The following CDH13 variants were observed in gnomAD, a reference collection of about 807,000 sequenced individuals.
CDH13 encodes cadherin-13.
Under a neutral mutation model 63.8 loss-of-function variants are expected in CDH13, and 24 were observed. The observed-to-expected ratio is 0.38, with a 90% CI of 0.27 to 0.53. The LOEUF (loss-of-function observed/expected upper bound fraction) is 0.53, where lower values mean the gene tolerates loss of function less well. Ranked by LOEUF, CDH13 falls within the 20% of genes least tolerant of loss-of-function variation. The pLI is 0.85. For synonymous variants in CDH13, 503 were observed against 355.3 expected, an observed-to-expected ratio of 1.42 and a Z score of -4.67; for missense variants, 1,049 against 903.1, an observed-to-expected ratio of 1.16 and a Z score of -2.07.
At chr16:82,865,941 C>G (rs1425378167) in intron 2 of CDH13, among the ~76,000 whole-genome samples, 1 of 152,140 alleles carries the variant, frequency 6.6e-6, no homozygotes, top group African/African-American at 2.4e-5. Context: ...TAAGAGCACC[C>G]ATGTCATGCT....
At chr16:83,238,003 G>T (rs1407651825) in intron 5 of CDH13, among the ~76,000 whole-genome samples, 4 of 152,156 alleles carry the variant, frequency 2.6e-5, no homozygotes, top group African/African-American at 9.7e-5. Context: ...CAGATGTTCT[G>T]ATGCCAAAGC....
intron 8 of CDH13, among the ~76,000 whole-genome samples, chr16:83,650,750 A>G (rs1337555919): frequency 3.9e-5 from 6 of 152,112 alleles, no homozygotes; most frequent in Admixed American, 3.9e-4. Context: ...TCTAAGTGAG[A>G]TTAGGATTAC....
intron 7 of CDH13, among the ~76,000 whole-genome samples, chr16:83,502,081 C>G (rs2074296272): frequency 6.6e-6 from 1 of 152,194 alleles, no homozygotes; most frequent in Admixed American, 6.5e-5. Context: ...CATAGCACGG[C>G]CTGTGTGGAA....
At chr16:83,203,892 A>T (rs890731862) in intron 4 of CDH13, among the ~76,000 whole-genome samples, 3 of 152,172 alleles carry the variant, frequency 2.0e-5, no homozygotes, top group African/African-American at 7.2e-5. Flanking sequence ...TAGATGGCAG[A>T]ATGCACACAA....
intron 2 of CDH13, among the ~76,000 whole-genome samples, chr16:82,994,469 A>T (rs1911990831): frequency 6.6e-6 from 1 of 152,182 alleles, no homozygotes; most frequent in Non-Finnish European, 1.5e-5. Flanking sequence ...GCTCCAGCAA[A>T]GAGACCATGG....
At chr16:83,345,112 G>A (rs768219284) in intron 6 of CDH13, 106 bp downstream of exon 6, 31 of 1,308,380 alleles carry the variant, frequency 2.4e-5, no homozygotes, top group African/African-American at 7.3e-5. Context: ...TTGTCAGCTC[G>A]TATCAGCGTC....
At chr16:82,676,259 C>A (rs1019425978) in intron 1 of CDH13, among the ~76,000 whole-genome samples, 14 of 152,142 alleles carry the variant, frequency 9.2e-5, no homozygotes, top group African/African-American at 3.4e-4. Flanking sequence ...GTCTCAAAGG[C>A]ACCTTGGATT....
intron 2 of CDH13, among the ~76,000 whole-genome samples, chr16:82,930,483 C>G (rs1368244615): frequency 6.6e-6 from 1 of 151,922 alleles, no homozygotes; most frequent in Non-Finnish European, 1.5e-5. Context: ...CTTGAAGTAA[C>G]TTTATGGTTT....
At chr16:83,512,061 C>G (rs12925322) in intron 7 of CDH13, among the ~76,000 whole-genome samples, 9,700 of 152,154 alleles carry the variant, frequency 0.064, 364 homozygotes, top group Middle Eastern at 0.15. Context: ...GTGGCTCACG[C>G]CTGTAATTCC....
At chr16:83,035,397 C>T (rs879675767) in intron 3 of CDH13, among the ~76,000 whole-genome samples, 3 of 152,132 alleles carry the variant, frequency 2.0e-5, no homozygotes, top group African/African-American at 4.8e-5. Context: ...CCTCAAAGCA[C>T]CAACCATGTG....
chr16:82,771,903 T>C (rs1311756028), intron 1 of CDH13, among the ~76,000 whole-genome samples: 1 of 152,224 alleles, frequency 6.6e-6, no homozygotes, highest in South Asian at 2.1e-4. Context: ...GCTGGCCCCT[T>C]TGGGGCAAGG....
At chr16:83,751,936 A>C (rs1913119388) in intron 11 of CDH13, among the ~76,000 whole-genome samples, 1 of 152,198 alleles carries the variant, frequency 6.6e-6, no homozygotes, top group Non-Finnish European at 1.5e-5. Flanking sequence ...GAATAAGGAG[A>C]GATTTTGATT....
At chr16:82,725,135 TG>T (rs1180468321) in intron 1 of CDH13, among the ~76,000 whole-genome samples, 1 of 152,118 alleles carries the variant, frequency 6.6e-6, no homozygotes, top group East Asian at 1.9e-4. Context: ...TTGATGGTCA[TG>T]GTGATGGTGA....
At chr16:83,291,944 C>T (rs530648399) in intron 5 of CDH13, among the ~76,000 whole-genome samples, 1 of 152,282 alleles carries the variant, frequency 6.6e-6, no homozygotes, top group African/African-American at 2.4e-5. Flanking sequence ...AAATTTATCA[C>T]ATCACGTTTC....
intron 10 of CDH13, among the ~76,000 whole-genome samples, chr16:83,743,538 G>A (rs1308226329): frequency 6.6e-6 from 1 of 152,166 alleles, no homozygotes; most frequent in Admixed American, 6.5e-5. Context: ...ATGACAGAGG[G>A]AGCATCAAAG....
intron 1 of CDH13, among the ~76,000 whole-genome samples, chr16:82,662,631 TG>T (rs1418924157): frequency 2.0e-5 from 3 of 152,236 alleles, no homozygotes; most frequent in African/African-American, 7.2e-5. Context: ...TCCTGAATGT[TG>T]TTGTAGGACA....
At chr16:83,204,209 A>G (rs1348227164) in intron 4 of CDH13, among the ~76,000 whole-genome samples, 1 of 152,190 alleles carries the variant, frequency 6.6e-6, no homozygotes, top group Non-Finnish European at 1.5e-5. Flanking sequence ...GGACACGCTT[A>G]TCTGTTGCCC....
rs575211136 is a variant in CDH13, at chr16:83,251,757, T to C, written c.636+34260T>C. 2.8e-3 allele frequency among the ~76,000 whole-genome samples: 421 copies of C among 152,312 alleles called. 2 individuals carry two copies. The highest frequency in any genetic ancestry group is 9.4e-3 in the African/African-American group (392 of 41,574). ...TCTTTCCACCTTGGGAATCACAGTC[T>C]GATGGCAGGCAGGGGCTTTGTGCCA... On this transcript the variant is annotated intron_variant, in intron 5 of 13. Coordinates refer to ENST00000567109, the MANE Select transcript of CDH13 (RefSeq NM_001257.5).
intron 7 of CDH13, among the ~76,000 whole-genome samples, chr16:83,590,669 A>G (rs1254888704): frequency 3.9e-5 from 6 of 152,222 alleles, no homozygotes; most frequent in Admixed American, 2.6e-4. Context: ...TTTAAATTGC[A>G]TCATAAATGG....
Sources: allele counts gnomAD v4.1 joint callset (sites outside exome capture counted in the v4.1 genomes callset), GRCh38; gene constraint gnomAD v4.1.1; transcripts MANE v1.5; gene names NCBI Gene and HGNC (gene_info 2026-07-23, HGNC 2026-07-21).